The following HM13 variants were observed in gnomAD, a reference collection of about 807,000 sequenced individuals.
The protein encoded by HM13 is signal peptide peptidase.
A neutral mutation model predicts 50.0 loss-of-function variants in HM13; 18 were observed. The observed-to-expected ratio is 0.36, with a 90% CI of 0.25 to 0.53. The LOEUF (loss-of-function observed/expected upper bound fraction) is 0.53. Among genes scored for constraint, HM13 ranks in the 20% least tolerant of loss-of-function variants. HM13 has a pLI of 0.90. For synonymous variants in HM13, 197 were observed against 232.6 expected, an observed-to-expected ratio of 0.85 and a Z score of 1.39; for missense variants, 393 against 552.4, an observed-to-expected ratio of 0.71 and a Z score of 2.89.
At position 31,537,333 on chromosome 20, in the gene HM13, G is replaced by A. The variant is rs534270000; in HGVS notation, c.283-846G>A. On this transcript the variant is annotated intron_variant, in intron 2 of 12. Coordinates refer to ENST00000398174, the MANE Select transcript of HM13 (RefSeq NM_178581.3). The stretch of plus-strand genomic sequence containing the variant: ...GGCCAACAGGTGGATGTGAGCTTTC[G>A]GCTTATGAGAGCAGAGGTTAGCTGC... Among the ~76,000 whole-genome samples, 17 of 152,346 alleles carry A rather than the reference G, an allele frequency of 1.1e-4. No homozygotes were observed. The East Asian group carries it at 3.3e-3, about 29-fold the overall frequency.
In HM13 at chr20:31,533,421, C is replaced by T. The variant is rs574118183; in HGVS notation, c.283-4758C>T. On this transcript the variant is annotated intron_variant, in intron 2 of 12. Transcript: ENST00000398174. ...TTGGGAGGCTGAGGCAGGAGAATCGCTTGAACCCAGGAGGCAGAGGTTGTG... is the reference window on the plus strand; with the variant it reads ...TTGGGAGGCTGAGGCAGGAGAATCGTTTGAACCCAGGAGGCAGAGGTTGTG... 2.6e-5 allele frequency among the ~76,000 whole-genome samples: 4 copies of T among 152,338 alleles called. No homozygotes were observed. The South Asian group carries it at 8.3e-4, about 32-fold the overall frequency.
chr20:31,550,306 C>T (rs990022418), intron 7 of HM13, 185 bp downstream of exon 7: 7 of 594,408 alleles, frequency 1.2e-5, no homozygotes, highest in African/African-American at 5.6e-5. Flanking sequence ...GCCCAGGTCC[C>T]GGCCCCTGGC....
At chr20:31,534,150 T>C (rs553472258) in intron 2 of HM13, among the ~76,000 whole-genome samples, 325 of 152,046 alleles carry the variant, frequency 2.1e-3, no homozygotes, top group Admixed American at 3.5e-3. Context: ...AGTGCTGGGA[T>C]TACAGGCGCA....
rs377389647 is a variant in HM13 at position 31,527,448 on chromosome 20, G to T, written c.184-36G>T. ...GCCTTGCAGGAACATATGGGAACCA[G>T]CCGTGCTGAGCCATTGTCATTCTTC... On this transcript the variant is annotated intron_variant, in intron 1 of 12. Coordinates refer to ENST00000398174, the MANE Select transcript of HM13 (RefSeq NM_178581.3). 75 of 1,455,700 alleles carry T rather than the reference G, an allele frequency of 5.2e-5. No homozygotes were observed. In the African/African-American group the frequency reaches 7.9e-4, roughly 15 times the overall value. 90.2% of individuals were successfully genotyped at this position (1,455,700 alleles called of 1,614,324 possible). A position where few individuals can be genotyped will look rare whatever the true frequency, so the allele number is the denominator to read the frequency against.
At chr20:31,547,425 C>T in intron 4 of HM13, 2 of 488,268 alleles carry the variant, frequency 4.1e-6, no homozygotes, top group East Asian at 3.9e-5. Context: ...GCGCCCGCGC[C>T]GGCCTTCCTG....
intron 7 of HM13, chr20:31,550,394 C>T (rs962852717): frequency 3.6e-5 from 16 of 444,318 alleles, no homozygotes; most frequent in Non-Finnish European, 5.4e-5. Flanking sequence ...TAACCCAGCC[C>T]GGGGGGCACG....
chr20:31,533,205 AT>A lies in HM13; in HGVS notation c.283-4969del, dbSNP rs770390759. 1.4e-3 allele frequency among the ~76,000 whole-genome samples: 216 copies of A among 152,296 alleles called. 2 individuals are homozygous for A. The highest frequency in any genetic ancestry group is 2.4e-4 in the Non-Finnish European group (16 of 68,032). ...ACTGGAGTTTGTAACTGCATTGAACATTTTTAAAACTTCAGGGCTGAGTGTA... is the reference window on the plus strand; with the variant it reads ...ACTGGAGTTTGTAACTGCATTGAACATTTTAAAACTTCAGGGCTGAGTGTA... On this transcript the variant is annotated intron_variant, in intron 2 of 12. Coordinates refer to ENST00000398174, the MANE Select transcript of HM13 (RefSeq NM_178581.3).
Position 31,552,045 on chromosome 20 carries a change from T to C in HM13, c.724+1924T>C, listed in dbSNP as rs113090524. ...GGGCCTGGGGGCAGAGTATTGGAAT[T>C]GGCAGCCCCCGAGAACCAAGTGTAC... On this transcript the variant is annotated intron_variant, in intron 7 of 12. Transcript: ENST00000398174. 9.3e-3 allele frequency among the ~76,000 whole-genome samples: 1,413 copies of C among 151,422 alleles called. 18 individuals carry two copies. The highest frequency in any genetic ancestry group is 0.032 in the African/African-American group (1,341 of 41,262).
intron 7 of HM13, among the ~76,000 whole-genome samples, chr20:31,553,253 G>A (rs1246974190): frequency 2.2e-5 from 3 of 138,630 alleles, no homozygotes; most frequent in Admixed American, 8.1e-5. Flanking sequence ...CCGATATTGC[G>A]CCACTGGACT....
At chr20:31,568,813 G>A (rs192111068) in intron 12 of HM13, among the ~76,000 whole-genome samples, 19 of 152,318 alleles carry the variant, frequency 1.2e-4, no homozygotes, top group African/African-American at 4.3e-4. Flanking sequence ...CCACGCTACA[G>A]CAGAAGGTTC....
chr20:31,549,029 A>G lies in HM13; in HGVS notation c.455A>G (p.Glu152Gly), dbSNP rs772519493. Residue 152 changes from glutamate (E) to glycine (G), a missense_variant and splice_region_variant, in exon 5 of 13, where the codon GAG becomes GGG. Glu to Gly is a moderately conservative substitution (Grantham distance 98). Around this residue, in one of 3 missense-constraint regions of HM13, gnomAD observed 214 missense variants for 276.1 expected, o/e 0.77. Coordinates refer to ENST00000398174, the MANE Select transcript of HM13 (RefSeq NM_178581.3). ...FTQGSGENKEEIINYEFDTKD... is the reference protein window; with the variant it reads ...FTQGSGENKEGIINYEFDTKD... The stretch of plus-strand genomic sequence containing the variant: ...GGACTTACCTGGCCTCTCTGCTCAG[A>G]GATCATCAATTATGAATTTGACACC... The G allele has an allele frequency of 6.2e-7, 1 of 1,614,102 alleles. No homozygotes were observed. The highest frequency in any genetic ancestry group is 1.1e-5 in the South Asian group (1 of 91,084).
chr20:31,568,621 G>C (rs1985073068), intron 12 of HM13, among the ~76,000 whole-genome samples: 1 of 152,222 alleles, frequency 6.6e-6, no homozygotes, highest in Non-Finnish European at 1.5e-5. Context: ...GAACTCAGTT[G>C]CTTGAAAAAT....
intron 1 of HM13, among the ~76,000 whole-genome samples, chr20:31,524,558 C>T (rs945161338): frequency 2.6e-5 from 4 of 152,106 alleles, no homozygotes; most frequent in East Asian, 3.9e-4. Context: ...GTAGCCCCAC[C>T]GACTCAGTAT....
intron 7 of HM13, 172 bp from the exon 8 acceptor site, chr20:31,554,571 ACTT>A: frequency 5.5e-6 from 3 of 546,008 alleles, no homozygotes; most frequent in Admixed American, 3.1e-5. Context: ...AGTTCCAGCT[ACTT>A]GGGAGGCTGA....
rs140827621 is a variant in HM13 at position 31,523,681 on chromosome 20, A to C, written c.184-3803A>C. Among the ~76,000 whole-genome samples, 25 of 152,264 alleles carry C rather than the reference A, an allele frequency of 1.6e-4. No homozygotes were observed. The East Asian group carries it at 4.4e-3, about 27-fold the overall frequency. ...ATCAGGAACTCATTTTTGTACCCAT[A>C]CTACTGCTACACAGGAAATGTATTG... On this transcript the variant is annotated intron_variant, in intron 1 of 12. Transcript: ENST00000398174.
intron 3 of HM13, 43 bp from the exon 4 acceptor site, chr20:31,544,904 C>A: frequency 6.5e-7 from 1 of 1,538,910 alleles, no homozygotes; most frequent in South Asian, 1.1e-5. Flanking sequence ...GCTGACTGCC[C>A]ATGGGGGCTC....
intron 1 of HM13, among the ~76,000 whole-genome samples, chr20:31,524,298 T>G (rs1982353644): frequency 6.6e-6 from 1 of 152,116 alleles, no homozygotes; most frequent in Non-Finnish European, 1.5e-5. Context: ...CTAGAGATTG[T>G]CCTCCTGTTT....
chr20:31,561,793 C>G lies in HM13; in HGVS notation c.948+57C>G, dbSNP rs769662757. The G allele has an allele frequency of 6.9e-4, 831 of 1,198,428 alleles. 1 individual carries two copies. The highest frequency in any genetic ancestry group is 5.1e-3 in the Middle Eastern group (27 of 5,314). The allele number at this position is 1,198,428 out of a possible 1,614,324, so 74.2% of individuals were successfully genotyped here. A position where few individuals can be genotyped will look rare whatever the true frequency, so the allele number is the denominator to read the frequency against. Reference sequence around the variant, plus strand: ...GCCTCACTGCAAATAGAGGGACTTACAGAGGGATTTATTTGTAAATGCAAG... The same window carrying G: ...GCCTCACTGCAAATAGAGGGACTTAGAGAGGGATTTATTTGTAAATGCAAG... On this transcript the variant is annotated intron_variant, in intron 10 of 12. Coordinates refer to ENST00000398174, the MANE Select transcript of HM13 (RefSeq NM_178581.3).
chr20:31,542,910 T>C (rs1292465119), intron 3 of HM13, among the ~76,000 whole-genome samples: 3 of 152,188 alleles, frequency 2.0e-5, no homozygotes, highest in South Asian at 4.1e-4. Flanking sequence ...GAGTTAGGAT[T>C]TGAGCCCAGG....
Sources: gnomAD v4.1 joint callset for allele counts (sites outside exome capture counted in the v4.1 genomes callset) on GRCh38, gnomAD v4.1.1 for gene constraint, gnomAD v4.1.1 regional missense constraint, MANE v1.5 for transcripts, NCBI Gene and HGNC (gene_info 2026-07-23, HGNC 2026-07-21) for gene names.